The following GTF3C3 variants were observed in gnomAD, a reference collection of about 807,000 sequenced individuals.
GTF3C3 encodes the protein general transcription factor 3C polypeptide 3.
In GTF3C3, 75 loss-of-function variants were observed where a neutral mutation model predicts 105.2. That is an observed-to-expected ratio of 0.71 (90% CI 0.59 to 0.86). The LOEUF is 0.86. Ranked by LOEUF, GTF3C3 falls within the 40% of genes least tolerant of loss-of-function variation. The pLI, the probability that GTF3C3 is intolerant of heterozygous loss-of-function variation, is 0.00. For missense variants in GTF3C3, 856 were observed against 1,076.5 expected, an observed-to-expected ratio of 0.80 and a Z score of 2.87; for synonymous variants, 335 against 370.4, an observed-to-expected ratio of 0.90 and a Z score of 1.10.
At chr2:196,777,030 C>T (rs563815934) in intron 10 of GTF3C3, among the ~76,000 whole-genome samples, 91 of 152,274 alleles carry the variant, frequency 6.0e-4, no homozygotes, top group Admixed American at 9.8e-4. Flanking sequence ...AGCACACAAT[C>T]GGCAGACCAG....
At chr2:196,772,727 G>A (rs991812012) in intron 14 of GTF3C3, among the ~76,000 whole-genome samples, 189 bp downstream of exon 14, 6 of 152,126 alleles carry the variant, frequency 3.9e-5, no homozygotes, top group Non-Finnish European at 8.8e-5. Context: ...GCCAGTAGGC[G>A]TCAGGGCTGG....
Position 196,771,828 on chromosome 2 carries a change from A to G in GTF3C3, c.2180T>C (p.Leu727Pro), listed in dbSNP as rs767752464. ...TAGGGCATGATTTTCTGGGTTTTTC[A>G]GCATCAAACGGAGACAGAAGCGATG... The part of the protein sequence containing the change: ...RHHRFCLRLM[L>P]KNPENHALCV... The change falls in exon 15 of 18, where the codon CTG becomes CCG. Residue 727 changes from leucine (L) to proline (P), a missense_variant. Coordinates refer to ENST00000263956, the MANE Select transcript of GTF3C3 (RefSeq NM_012086.5). 4.3e-6 allele frequency: 7 copies of G among 1,612,730 alleles called. No individual in the cohort carries two copies. The Admixed American group carries it at 6.7e-5, about 15-fold the overall frequency.
chr2:196,789,867 AAT>A lies in GTF3C3; in HGVS notation c.727+10_727+11del. Reference sequence around the variant, plus strand: ...GCTTGTAAAAGTGAAAAAAAAAAAAAATTTTAATTACCTTTTGTATAGCAAAA... The same window carrying A: ...GCTTGTAAAAGTGAAAAAAAAAAAAATTTAATTACCTTTTGTATAGCAAAA... On this transcript the variant is annotated intron_variant, in intron 5 of 17. Transcript: ENST00000263956. 5 of 1,529,060 alleles carry A rather than the reference AAT, an allele frequency of 3.3e-6. No individual in the cohort carries two copies. The African/African-American group carries it at 4.2e-5, about 13-fold the overall frequency. The allele number at this position is 1,529,060 out of a possible 1,614,324, so 94.7% of individuals were successfully genotyped here.
intron 17 of GTF3C3, 128 bp downstream of exon 17, chr2:196,766,437 G>T (rs912585440): frequency 1.5e-6 from 1 of 682,624 alleles, no homozygotes; most frequent in Non-Finnish European, 2.4e-6. Flanking sequence ...ACATAATTAC[G>T]TAAACATACT....
intron 1 of GTF3C3, chr2:196,799,187 C>A (rs1005011975): frequency 1.2e-5 from 3 of 250,842 alleles, no homozygotes; most frequent in African/African-American, 6.8e-5. Flanking sequence ...AAAGCTAGGA[C>A]TAGAACCTGA....
At chr2:196,785,648 C>G in intron 6 of GTF3C3, 60 bp from the exon 7 acceptor site, 1 of 1,029,910 alleles carries the variant, frequency 9.7e-7, no homozygotes, top group Non-Finnish European at 1.5e-6. Flanking sequence ...AAACTCATTT[C>G]CTTGCTTAGG....
At chr2:196,765,542 A>C (rs1699045790) in intron 17 of GTF3C3, among the ~76,000 whole-genome samples, 1 of 150,216 alleles carries the variant, frequency 6.7e-6, no homozygotes, top group African/African-American at 2.4e-5. Flanking sequence ...AATATATATA[A>C]ATATGTATAT....
chr2:196,780,507 A>G, intron 9 of GTF3C3, 52 bp downstream of exon 9: 1 of 1,576,956 alleles, frequency 6.3e-7, no homozygotes, highest in South Asian at 1.2e-5. Context: ...TCTAAAGAAA[A>G]GAGATGGTGC....
At chr2:196,784,957 A>C (rs765986521) in intron 7 of GTF3C3, 28 bp from the exon 8 acceptor site, 1 of 1,435,960 alleles carries the variant, frequency 7.0e-7, no homozygotes, top group East Asian at 2.3e-5. Context: ...AAGAAAGGAA[A>C]TAAAATATGT....
intron 1 of GTF3C3, among the ~76,000 whole-genome samples, chr2:196,798,448 C>T (rs907383765): frequency 1.1e-4 from 17 of 151,938 alleles, no homozygotes; most frequent in Admixed American, 8.5e-4. Context: ...TGCTTGAGTC[C>T]GGGAGGCGGA....
chr2:196,771,837 C>T lies in GTF3C3; in HGVS notation c.2171G>A (p.Arg724His). ...QDVRHHRFCL[R>H]LMLKNPENHA... ...ATTTTCTGGGTTTTTCAGCATCAAACGGAGACAGAAGCGATGATGTCGTAC... is the reference window on the plus strand; with the variant it reads ...ATTTTCTGGGTTTTTCAGCATCAAATGGAGACAGAAGCGATGATGTCGTAC... The change falls in exon 15 of 18, where the codon CGT becomes CAT. Residue 724 changes from arginine (R) to histidine (H), a missense_variant. Arg to His is a conservative substitution (Grantham distance 29). Coordinates refer to ENST00000263956, the MANE Select transcript of GTF3C3 (RefSeq NM_012086.5). The T allele has an allele frequency of 1.2e-6, 2 of 1,612,070 alleles. No homozygotes were observed. Among genetic ancestry groups the T allele is most frequent in the East Asian group, 2.2e-5 (1 of 44,860 alleles).
intron 8 of GTF3C3, among the ~76,000 whole-genome samples, chr2:196,783,624 C>T (rs2125746793): frequency 6.6e-6 from 1 of 152,182 alleles, no homozygotes; most frequent in Admixed American, 6.5e-5. Context: ...GTGATCTGGT[C>T]CTGCTCTTCC....
At chr2:196,781,243 C>G (rs1699344553) in intron 8 of GTF3C3, among the ~76,000 whole-genome samples, 1 of 149,398 alleles carries the variant, frequency 6.7e-6, no homozygotes, top group Non-Finnish European at 1.5e-5. Flanking sequence ...AAATAACTAT[C>G]TGTTTTACAG....
intron 10 of GTF3C3, chr2:196,778,292 G>C (rs1012478410): frequency 2.0e-5 from 3 of 152,104 alleles, no homozygotes; most frequent in African/African-American, 7.2e-5. Flanking sequence ...CACAGTATTT[G>C]AAACCAAGAC....
intron 13 of GTF3C3, 152 bp downstream of exon 13, chr2:196,774,964 G>T: frequency 4.3e-6 from 2 of 469,864 alleles, no homozygotes; most frequent in South Asian, 6.3e-5. Flanking sequence ...TTTTAACATC[G>T]AATGAGTTTA....
At position 196,799,543 on chromosome 2, in the gene GTF3C3, C is replaced by T; in HGVS notation, c.69G>A (p.Arg23=). ...CGCGGGTTTTTCTCTCTTCTCTCCG[C>T]CGTTCGAACTCCTCAAAGGAGATTT... The part of the protein sequence containing the change: ...EGKISFEEFE[R]RREERKTREK... Residue 23 remains arginine (R), a synonymous_variant, in exon 1 of 18, where the codon CGG becomes CGA. Transcript: ENST00000263956. 1 of 1,614,126 alleles carries T rather than the reference C, an allele frequency of 6.2e-7. No homozygotes were observed. Among genetic ancestry groups the T allele is most frequent in the East Asian group, 2.2e-5 (1 of 44,878 alleles).
In GTF3C3 at chr2:196,786,371, G is replaced by GCAGT. The variant is rs983303244; in HGVS notation, c.894-787_894-784dup. On this transcript the variant is annotated intron_variant, in intron 6 of 17. Transcript: ENST00000263956. The surrounding 1 kb of genome is among the most constrained non-coding windows in gnomAD (Gnocchi z 4.2). ...ACATCTCTCTCTTTTCAAACCTCCA[G>GCAGT]CAGTCTCCCAGTCCCCACTCTCAGT... is the stretch of plus-strand genomic sequence containing the variant. 2.4e-4 allele frequency among the ~76,000 whole-genome samples: 37 copies of GCAGT among 152,060 alleles called. No individual in the cohort carries two copies. Among genetic ancestry groups the GCAGT allele is most frequent in the African/African-American group, 8.5e-4 (35 of 41,402 alleles).
intron 3 of GTF3C3, 108 bp from the exon 4 acceptor site, chr2:196,791,568 A>T: frequency 9.6e-7 from 1 of 1,043,878 alleles, no homozygotes; most frequent in Non-Finnish European, 1.3e-6. Flanking sequence ...ATTTTCCTTT[A>T]AAAATTTTCA....
intron 9 of GTF3C3, 76 bp downstream of exon 9, chr2:196,780,483 A>G: frequency 6.7e-7 from 1 of 1,486,658 alleles, no homozygotes; most frequent in East Asian, 2.4e-5. Context: ...GGGTCAAGTT[A>G]TAATTTCTTG....
Sources: allele counts gnomAD v4.1 joint callset (sites outside exome capture counted in the v4.1 genomes callset), GRCh38; gene constraint gnomAD v4.1.1; non-coding constraint Gnocchi (gnomAD v3.1); transcripts MANE v1.5; gene names NCBI Gene and HGNC (gene_info 2026-07-23, HGNC 2026-07-21).